AP3B1: variants seen among roughly 807,000 people sequenced by gnomAD.
AP3B1 encodes AP-3 complex subunit beta-1.
In AP3B1, 61 loss-of-function variants were observed where a neutral mutation model predicts 132.5. The ratio of observed to expected loss-of-function variants is 0.46; its 90% CI spans 0.37 to 0.57. AP3B1 has a LOEUF of 0.57. Among genes scored for constraint, AP3B1 ranks in the 20% least tolerant of loss-of-function variants. The pLI is 0.00. For synonymous variants in AP3B1, 388 were observed against 438.3 expected (o/e 0.89, Z 1.43); for missense variants, 1,120 against 1,289.4 (o/e 0.87, Z 2.01).
intron 22 of AP3B1, among the ~76,000 whole-genome samples, chr5:78,080,719 C>G (rs537591563): frequency 6.9e-6 from 1 of 145,806 alleles, no homozygotes; most frequent in Non-Finnish European, 1.5e-5. Flanking sequence ...TAAAAATAAG[C>G]TTCCTGTTTT....
intron 22 of AP3B1, among the ~76,000 whole-genome samples, chr5:78,056,719 G>C (rs1160634892): frequency 2.0e-5 from 3 of 152,212 alleles, no homozygotes; most frequent in Admixed American, 6.5e-5. Flanking sequence ...GCCTTTTAAA[G>C]AGCAGTCCCC....
intron 24 of AP3B1, among the ~76,000 whole-genome samples, chr5:78,025,350 G>A (rs1348153711): frequency 6.6e-6 from 1 of 152,180 alleles, no homozygotes; most frequent in Non-Finnish European, 1.5e-5. Context: ...TGCCTTCTAA[G>A]GCATCTATGA....
chr5:78,292,078 C>T lies in AP3B1; in HGVS notation c.128+2374G>A, dbSNP rs373201886. Among the ~76,000 whole-genome samples, 16 of 152,116 alleles carry T rather than the reference C, an allele frequency of 1.1e-4. No individual in the cohort carries two copies. In the East Asian group the frequency reaches 1.9e-3, roughly 18 times the overall value. On this transcript the variant is annotated intron_variant, in intron 1 of 26. Transcript: ENST00000255194. Reference sequence around the variant, plus strand: ...AATTGGTAAATCTGCAAAAGGGTAGCTCTCTGTGTCATTGTTGCAACTTTT... The same window carrying T: ...AATTGGTAAATCTGCAAAAGGGTAGTTCTCTGTGTCATTGTTGCAACTTTT...
chr5:78,118,247 C>T (rs1191250403), intron 17 of AP3B1, among the ~76,000 whole-genome samples: 1 of 152,162 alleles, frequency 6.6e-6, no homozygotes, highest in Non-Finnish European at 1.5e-5. Flanking sequence ...GTCTACAGCT[C>T]CCAGCGTGAG....
At chr5:78,034,716 T>C (rs1426791319) in intron 23 of AP3B1, among the ~76,000 whole-genome samples, 6 of 151,986 alleles carry the variant, frequency 3.9e-5, no homozygotes, top group African/African-American at 1.4e-4. Flanking sequence ...TCCTGAGAAA[T>C]GTCATGTTTT....
chr5:78,210,863 AAAGCAAC>A, intron 7 of AP3B1, among the ~76,000 whole-genome samples: 1 of 152,100 alleles, frequency 6.6e-6, no homozygotes, highest in Non-Finnish European at 1.5e-5. Flanking sequence ...TAATTTTACA[AAAGCAAC>A]TTTAGTCTTA....
intron 7 of AP3B1, among the ~76,000 whole-genome samples, chr5:78,196,161 A>C (rs1745069842): frequency 6.6e-6 from 1 of 152,160 alleles, no homozygotes; most frequent in Non-Finnish European, 1.5e-5. Context: ...AAAATATACA[A>C]AGAGTTCCTA....
intron 22 of AP3B1, 91 bp downstream of exon 22, chr5:78,089,302 T>C (rs1246850001): frequency 2.3e-5 from 22 of 963,130 alleles, no homozygotes; most frequent in Non-Finnish European, 1.6e-5. Context: ...TGTTCAAAAC[T>C]AAGAATCCAC....
intron 8 of AP3B1, among the ~76,000 whole-genome samples, chr5:78,178,976 CT>C (rs1414961125): frequency 6.6e-6 from 1 of 152,054 alleles, no homozygotes; most frequent in Non-Finnish European, 1.5e-5. Context: ...ATTTCTTGTA[CT>C]TTCTTACAAG....
chr5:78,079,323 G>T (rs1462415252), intron 22 of AP3B1, among the ~76,000 whole-genome samples: 1 of 151,946 alleles, frequency 6.6e-6, no homozygotes, highest in Admixed American at 6.6e-5. Flanking sequence ...TTTTACAAAA[G>T]AATTTTACAG....
intron 2 of AP3B1, among the ~76,000 whole-genome samples, chr5:78,262,872 G>C (rs2112555721): frequency 6.6e-6 from 1 of 152,090 alleles, no homozygotes; most frequent in East Asian, 1.9e-4. Context: ...GTCTTGCCAT[G>C]TAGTCTAGGC....
intron 2 of AP3B1, among the ~76,000 whole-genome samples, chr5:78,250,770 G>A (rs1747597980): frequency 6.6e-6 from 1 of 151,970 alleles, no homozygotes; most frequent in Non-Finnish European, 1.5e-5. Flanking sequence ...AGGGGATGTG[G>A]CATTTTTTTA....
At chr5:78,184,019 T>C (rs959381780) in intron 7 of AP3B1, among the ~76,000 whole-genome samples, 7 of 147,244 alleles carry the variant, frequency 4.8e-5, no homozygotes, top group Admixed American at 2.0e-4. Flanking sequence ...AATACAAAAA[T>C]TAGCCAGGCA....
intron 24 of AP3B1, among the ~76,000 whole-genome samples, chr5:78,021,438 T>C (rs1485781562): frequency 2.6e-5 from 4 of 152,226 alleles, no homozygotes; most frequent in South Asian, 2.1e-4. Flanking sequence ...TAATATCAGA[T>C]AGAAAAACAA....
At chr5:78,192,268 C>T (rs182784423) in intron 7 of AP3B1, among the ~76,000 whole-genome samples, 119 of 152,092 alleles carry the variant, frequency 7.8e-4, no homozygotes, top group Non-Finnish European at 1.4e-3. Flanking sequence ...AATAGGGAAT[C>T]TAGAAAATGA....
At chr5:78,150,023 T>C (rs2112343855) in intron 14 of AP3B1, among the ~76,000 whole-genome samples, 1 of 152,128 alleles carries the variant, frequency 6.6e-6, no homozygotes, top group Non-Finnish European at 1.5e-5. Context: ...CAGAGATATT[T>C]AAAATTGGTC....
At chr5:78,081,239 G>C (rs186385940) in intron 22 of AP3B1, among the ~76,000 whole-genome samples, 1 of 151,186 alleles carries the variant, frequency 6.6e-6, no homozygotes, top group East Asian at 1.9e-4. Flanking sequence ...ACAAGGAAGA[G>C]ACATACTTGG....
At chr5:78,283,500 G>A (rs1316465727) in intron 1 of AP3B1, among the ~76,000 whole-genome samples, 1 of 152,078 alleles carries the variant, frequency 6.6e-6, no homozygotes, top group East Asian at 1.9e-4. Flanking sequence ...CTTCAATGTA[G>A]ACTTTACTAA....
intron 20 of AP3B1, among the ~76,000 whole-genome samples, chr5:78,106,484 A>C (rs886324409): frequency 6.6e-6 from 1 of 151,898 alleles, no homozygotes; most frequent in African/African-American, 2.4e-5. Flanking sequence ...GAAAGAAAGA[A>C]AGAACACAAG....
Sources: gnomAD v4.1 joint callset for allele counts (sites outside exome capture counted in the v4.1 genomes callset) on GRCh38, gnomAD v4.1.1 for gene constraint, MANE v1.5 for transcripts, NCBI Gene and HGNC (gene_info 2026-07-23, HGNC 2026-07-21) for gene names.